TRHDE: variants seen among roughly 807,000 people sequenced by gnomAD.
The protein encoded by TRHDE is thyrotropin-releasing hormone-degrading ectoenzyme.
A neutral mutation model predicts 125.7 loss-of-function variants in TRHDE; 72 were observed. The observed-to-expected ratio is 0.57, with a 90% CI of 0.47 to 0.70. The LOEUF (loss-of-function observed/expected upper bound fraction) is 0.70. Among genes scored for constraint, TRHDE ranks in the 30% least tolerant of loss-of-function variants. The probability of loss-of-function intolerance (pLI) is 0.00; values close to 1 mark genes in which losing one functional copy is unlikely to be tolerated. For synonymous variants in TRHDE, 509 were observed against 509.1 expected, an observed-to-expected ratio of 1.00 and a Z score of 0.00; for missense variants, 1,110 against 1,327.1, an observed-to-expected ratio of 0.84 and a Z score of 2.54.
chr12:72,105,879 C>T (rs911217019), intron 2 of TRHDE: 2 of 152,268 alleles, frequency 1.3e-5, no homozygotes, highest in East Asian at 3.9e-4. Flanking sequence ...TTATTTCTAT[C>T]TTTATTTTAT....
intron 6 of TRHDE, among the ~76,000 whole-genome samples, chr12:72,507,346 G>A (rs938693027): frequency 6.6e-6 from 1 of 152,122 alleles, no homozygotes; most frequent in Non-Finnish European, 1.5e-5. Context: ...AGGAAGACGT[G>A]GGAAAGTTTG....
chr12:72,161,560 T>G (rs1876638125), intron 2 of TRHDE, among the ~76,000 whole-genome samples: 1 of 152,228 alleles, frequency 6.6e-6, no homozygotes, highest in African/African-American at 2.4e-5. Context: ...CTGGTCATAT[T>G]GATTTTTGTG....
intron 2 of TRHDE, among the ~76,000 whole-genome samples, chr12:72,160,461 G>T (rs1876611152): frequency 6.6e-6 from 1 of 152,098 alleles, no homozygotes; most frequent in Admixed American, 6.5e-5. Flanking sequence ...AAGGCGCGTG[G>T]ATCACCTGAG....
intron 12 of TRHDE, among the ~76,000 whole-genome samples, chr12:72,587,518 T>C (rs895495967): frequency 6.6e-6 from 1 of 152,028 alleles, no homozygotes; most frequent in African/African-American, 2.4e-5. Context: ...TAAAAGTAGA[T>C]GGATAACAAA....
chr12:72,339,435 A>C (rs536498737), intron 2 of TRHDE, among the ~76,000 whole-genome samples: 1 of 152,190 alleles, frequency 6.6e-6, no homozygotes, highest in African/African-American at 2.4e-5. Flanking sequence ...ATGCCATTTC[A>C]CACTGAAAGT....
chr12:72,345,548 T>G (rs1870290417), intron 2 of TRHDE, among the ~76,000 whole-genome samples: 1 of 152,164 alleles, frequency 6.6e-6, no homozygotes, highest in Admixed American at 6.6e-5. Flanking sequence ...ATGTAATTTA[T>G]TTTTAATAAT....
intron 2 of TRHDE, among the ~76,000 whole-genome samples, chr12:72,236,798 C>CT (rs546365100): frequency 6.6e-6 from 1 of 151,936 alleles, no homozygotes; most frequent in African/African-American, 2.4e-5. Context: ...GTGGATGAGA[C>CT]TTTTTTTTCT....
At position 72,666,873 on chromosome 12, in the gene TRHDE, A is replaced by G. The variant is rs1339336658; in HGVS notation, c.*3678A>G. On this transcript the variant is annotated 3_prime_UTR_variant, in exon 19 of 19. Coordinates refer to ENST00000261180, the MANE Select transcript of TRHDE (RefSeq NM_013381.3). ...ATAATTTAATTCATTTAGTTTATTAATTATATTTCCTGTCTGTATCTTTTA... is the reference window on the plus strand; with the variant it reads ...ATAATTTAATTCATTTAGTTTATTAGTTATATTTCCTGTCTGTATCTTTTA... 2 of 152,040 alleles carry G rather than the reference A, an allele frequency of 1.3e-5. No individual in the cohort carries two copies. Among genetic ancestry groups the G allele is most frequent in the Admixed American group, 6.6e-5 (1 of 15,222 alleles). 9.4% of individuals were successfully genotyped at this position (152,040 alleles called of 1,614,324 possible). A position where few individuals can be genotyped will look rare whatever the true frequency, so the allele number is the denominator to read the frequency against.
At chr12:72,359,586 T>C (rs908363029) in intron 2 of TRHDE, among the ~76,000 whole-genome samples, 1 of 151,564 alleles carries the variant, frequency 6.6e-6, no homozygotes, top group Non-Finnish European at 1.5e-5. Flanking sequence ...TAAACGCAAA[T>C]CTAATAGAAG....
chr12:72,149,587 CTTT>C (rs201795573), intron 2 of TRHDE, among the ~76,000 whole-genome samples: 1 of 148,660 alleles, frequency 6.7e-6, no homozygotes, highest in Non-Finnish European at 1.5e-5. Context: ...AACACTCATT[CTTT>C]TTTTTTTCCC....
chr12:72,104,796 C>T (rs1875145860), intron 1 of TRHDE, among the ~76,000 whole-genome samples: 1 of 152,174 alleles, frequency 6.6e-6, no homozygotes, highest in Non-Finnish European at 1.5e-5. Context: ...ACTTTATTGA[C>T]ATATGTAACT....
At chr12:72,425,984 C>G (rs1285661171) in intron 3 of TRHDE, among the ~76,000 whole-genome samples, 1 of 151,844 alleles carries the variant, frequency 6.6e-6, no homozygotes, top group African/African-American at 2.4e-5. Flanking sequence ...CTGTTCATGC[C>G]AATAAACCCT....
rs144797073 is a variant in TRHDE, at chr12:72,633,391, C to A, written c.2675+11640C>A. Among the ~76,000 whole-genome samples the A allele has an allele frequency of 1.7e-4, 26 of 152,204 alleles. No homozygotes were observed. The East Asian group carries it at 4.8e-3, about 28-fold the overall frequency. ...ATTTTAAATACATTTATTCTGTTCT[C>A]CACCAGGTTTCTCCAATGCTATTCT... is the stretch of plus-strand genomic sequence containing the variant. On this transcript the variant is annotated intron_variant, in intron 15 of 18. Transcript: ENST00000261180.
intron 2 of TRHDE, among the ~76,000 whole-genome samples, chr12:72,243,014 C>T (rs760450963): frequency 6.6e-5 from 10 of 152,184 alleles, no homozygotes; most frequent in Non-Finnish European, 1.0e-4. Context: ...CAAGAAGAGA[C>T]GCTCTCTTTC....
At chr12:72,649,812 A>T (rs769557384) in intron 15 of TRHDE, among the ~76,000 whole-genome samples, 1 of 152,084 alleles carries the variant, frequency 6.6e-6, no homozygotes, top group Non-Finnish European at 1.5e-5. Context: ...AGGAAAATGC[A>T]AATGAAAATC....
At chr12:72,160,017 T>A (rs1212504627) in intron 2 of TRHDE, among the ~76,000 whole-genome samples, 1 of 152,246 alleles carries the variant, frequency 6.6e-6, no homozygotes, top group Non-Finnish European at 1.5e-5. Context: ...TCCTCCTAAT[T>A]GTGCTCTTCT....
At chr12:72,432,975 G>A (rs1376311953) in intron 3 of TRHDE, among the ~76,000 whole-genome samples, 3 of 152,082 alleles carry the variant, frequency 2.0e-5, no homozygotes, top group African/African-American at 7.2e-5. Flanking sequence ...TTATTAGATT[G>A]AAGAAGTTAC....
At chr12:72,588,096 G>T (rs1047545033) in intron 12 of TRHDE, among the ~76,000 whole-genome samples, 2 of 152,130 alleles carry the variant, frequency 1.3e-5, no homozygotes, top group South Asian at 4.1e-4. Flanking sequence ...ATCGTAAGAA[G>T]CATGAGAAGC....
At chr12:72,430,616 C>G (rs1284307060) in intron 3 of TRHDE, among the ~76,000 whole-genome samples, 3 of 151,566 alleles carry the variant, frequency 2.0e-5, no homozygotes, top group Non-Finnish European at 4.4e-5. Flanking sequence ...CATTCTGTCC[C>G]CCTGATCTAT....
Sources: allele counts gnomAD v4.1 joint callset (sites outside exome capture counted in the v4.1 genomes callset), GRCh38; gene constraint gnomAD v4.1.1; transcripts MANE v1.5; gene names NCBI Gene and HGNC (gene_info 2026-07-23, HGNC 2026-07-21).